Variants in ATF7IP observed in about 807,000 individuals in gnomAD.
ATF7IP encodes activating transcription factor 7-interacting protein 1.
Under a neutral mutation model 106.4 loss-of-function variants are expected in ATF7IP, and 23 were observed. That is an observed-to-expected ratio of 0.22 (90% CI 0.16 to 0.31). The LOEUF (loss-of-function observed/expected upper bound fraction) is 0.31, where lower values mean the gene tolerates loss of function less well. ATF7IP is among the 10% of genes least tolerant of loss of function. ATF7IP has a pLI of 1.00. For missense variants in ATF7IP, 1,334 were observed against 1,524.3 expected (o/e 0.88, Z 2.08); for synonymous variants, 542 against 539.0 (o/e 1.01, Z -0.08).
At chr12:14,415,567 A>C (rs1374837776) in intron 1 of ATF7IP, among the ~76,000 whole-genome samples, 1 of 152,172 alleles carries the variant, frequency 6.6e-6, no homozygotes, top group Non-Finnish European at 1.5e-5. Flanking sequence ...GGGATATTGC[A>C]TTCCACATTT....
intron 1 of ATF7IP, among the ~76,000 whole-genome samples, chr12:14,394,268 A>G (rs1243693989): frequency 6.6e-6 from 1 of 152,214 alleles, no homozygotes; most frequent in Non-Finnish European, 1.5e-5. Context: ...ATTTTTAATG[A>G]TTGCCAAACA....
At chr12:14,442,848 T>C (rs1942774378) in intron 5 of ATF7IP, among the ~76,000 whole-genome samples, 1 of 152,154 alleles carries the variant, frequency 6.6e-6, no homozygotes, top group African/African-American at 2.4e-5. Context: ...CAATGAAATC[T>C]GTTGTATACA....
chr12:14,377,897 G>A (rs1938820711), intron 1 of ATF7IP, among the ~76,000 whole-genome samples: 2 of 151,802 alleles, frequency 1.3e-5, no homozygotes. Context: ...CAAAGTGCTG[G>A]GATTACAGGC....
At chr12:14,388,910 G>A (rs1591773806) in intron 1 of ATF7IP, among the ~76,000 whole-genome samples, 1 of 152,188 alleles carries the variant, frequency 6.6e-6, no homozygotes, top group African/African-American at 2.4e-5. Context: ...GACATGCTGG[G>A]ATTACAGGCA....
chr12:14,440,231 A>G (rs1197812168), intron 5 of ATF7IP, among the ~76,000 whole-genome samples: 2 of 152,146 alleles, frequency 1.3e-5, no homozygotes, highest in Non-Finnish European at 2.9e-5. Flanking sequence ...TTAGGCCATC[A>G]TTACCCAATT....
chr12:14,431,645 C>A (rs1030568447), intron 2 of ATF7IP, among the ~76,000 whole-genome samples: 1 of 152,020 alleles, frequency 6.6e-6, no homozygotes, highest in African/African-American at 2.4e-5. Flanking sequence ...CCGCCCGCCT[C>A]GGCCTCCCAA....
intron 1 of ATF7IP, among the ~76,000 whole-genome samples, chr12:14,411,145 A>G (rs1003097219): frequency 6.6e-6 from 1 of 152,208 alleles, no homozygotes; most frequent in Non-Finnish European, 1.5e-5. Context: ...GTATATACCT[A>G]GGAATGGAAT....
chr12:14,431,789 C>G, intron 2 of ATF7IP, among the ~76,000 whole-genome samples: 1 of 151,988 alleles, frequency 6.6e-6, no homozygotes, highest in South Asian at 2.1e-4. Context: ...TACCAAGGGC[C>G]TTTGATTATT....
chr12:14,372,150 T>C lies in ATF7IP; in HGVS notation c.-8+6323T>C, dbSNP rs372978540. ...TTTTATTAGAGAGGCCAAGAGTATT[T>C]AAACATTACTTTGCCATGTTCTTTC... is the stretch of plus-strand genomic sequence containing the variant. On this transcript the variant is annotated intron_variant, in intron 1 of 14. Coordinates refer to ENST00000261168, the MANE Select transcript of ATF7IP (RefSeq NM_018179.5). 4.6e-5 allele frequency among the ~76,000 whole-genome samples: 7 copies of C among 152,266 alleles called. No homozygotes were observed. In the East Asian group the frequency reaches 1.2e-3, roughly 25 times the overall value.
chr12:14,440,529 C>T (rs1942646430), intron 5 of ATF7IP, among the ~76,000 whole-genome samples: 1 of 152,270 alleles, frequency 6.6e-6, no homozygotes, highest in South Asian at 2.1e-4. Flanking sequence ...CTTTTGACTT[C>T]GTATTGTTTC....
chr12:14,456,703 A>G, intron 7 of ATF7IP, 69 bp downstream of exon 7: 3 of 1,125,470 alleles, frequency 2.7e-6, no homozygotes, highest in Non-Finnish European at 4.0e-6. Context: ...TTGGTCAAAG[A>G]ATCTTGCAGT....
At chr12:14,441,904 G>C (rs1454309135) in intron 5 of ATF7IP, among the ~76,000 whole-genome samples, 2 of 152,228 alleles carry the variant, frequency 1.3e-5, no homozygotes, top group African/African-American at 4.8e-5. Context: ...AATGCCTTTT[G>C]ATGCACAAAA....
At chr12:14,474,261 A>G (rs1003506125) in intron 10 of ATF7IP, among the ~76,000 whole-genome samples, 1 of 150,910 alleles carries the variant, frequency 6.6e-6, no homozygotes, top group Non-Finnish European at 1.5e-5. Context: ...GCCCCCTCCA[A>G]TCTGCTTTTA....
chr12:14,366,743 A>G (rs1223999211), intron 1 of ATF7IP, among the ~76,000 whole-genome samples: 1 of 152,198 alleles, frequency 6.6e-6, no homozygotes, highest in East Asian at 1.9e-4. Flanking sequence ...TATGTAAGCT[A>G]TAACATTTAT....
intron 13 of ATF7IP, among the ~76,000 whole-genome samples, chr12:14,487,068 C>A (rs1944644284): frequency 2.0e-5 from 3 of 152,138 alleles, no homozygotes; most frequent in Admixed American, 6.6e-5. Flanking sequence ...AGCTCACTCA[C>A]AGTGTGCCAT....
chr12:14,394,933 G>A (rs576455417), intron 1 of ATF7IP: 1 of 152,244 alleles, frequency 6.6e-6, no homozygotes, highest in Non-Finnish European at 1.5e-5. Flanking sequence ...CTTTGAAATA[G>A]TCATTTTGAA....
chr12:14,424,749 G>A lies in ATF7IP; in HGVS notation c.834G>A (p.Glu278=). The change falls in exon 2 of 15, where the codon GAG becomes GAA. Residue 278 remains glutamate (E), a synonymous_variant. Transcript: ENST00000261168. ...DLATGELASD[E]LTSESTFDRT... is the part of the protein sequence containing the mutation. ...CCACTGGTGAACTGGCCTCTGATGA[G>A]CTGACTTCTGAATCAACCTTTGATC... 1 of 1,614,148 alleles carries A rather than the reference G, an allele frequency of 6.2e-7. No homozygotes were observed. Among genetic ancestry groups the A allele is most frequent in the East Asian group, 2.2e-5 (1 of 44,888 alleles).
At chr12:14,442,791 T>A (rs757846979) in intron 5 of ATF7IP, among the ~76,000 whole-genome samples, 3 of 152,142 alleles carry the variant, frequency 2.0e-5, no homozygotes, top group Admixed American at 6.5e-5. Context: ...GGAGACAAGA[T>A]CCAGAAGGGA....
At chr12:14,409,868 A>G (rs1382414275) in intron 1 of ATF7IP, among the ~76,000 whole-genome samples, 1 of 152,184 alleles carries the variant, frequency 6.6e-6, no homozygotes, top group African/African-American at 2.4e-5. Context: ...TAGGTTAAAA[A>G]TAAATGAAAA....
Sources: allele counts gnomAD v4.1 joint callset (sites outside exome capture counted in the v4.1 genomes callset), GRCh38; gene constraint gnomAD v4.1.1; transcripts MANE v1.5; gene names NCBI Gene and HGNC (gene_info 2026-07-23, HGNC 2026-07-21).